Variants in NEGR1 observed in about 807,000 individuals in gnomAD.
NEGR1 encodes neuronal growth regulator 1.
A neutral mutation model predicts 40.9 loss-of-function variants in NEGR1; 10 were observed. That is an observed-to-expected ratio of 0.24 (90% CI 0.15 to 0.42). The LOEUF is 0.42. Ranked by LOEUF, NEGR1 falls within the 10% of genes least tolerant of loss-of-function variation. The pLI is 1.00. For missense variants in NEGR1, 352 were observed against 438.9 expected (o/e 0.80, Z 1.77); for synonymous variants, 185 against 166.8 (o/e 1.11, Z -0.84).
chr1:71,886,692 A>G (rs114807501), intron 2 of NEGR1, among the ~76,000 whole-genome samples: 2,359 of 152,258 alleles, frequency 0.015, 45 homozygotes, highest in South Asian at 0.1. Context: ...AAACGGAGAT[A>G]TATATCTTTA....
chr1:71,415,297 C>A (rs1366317433), intron 6 of NEGR1, among the ~76,000 whole-genome samples: 1 of 152,018 alleles, frequency 6.6e-6, no homozygotes, highest in Non-Finnish European at 1.5e-5. Context: ...CCATTCCTTT[C>A]TTGCTCTTTT....
chr1:72,121,514 G>A (rs561037239), intron 1 of NEGR1, among the ~76,000 whole-genome samples: 23 of 151,860 alleles, frequency 1.5e-4, no homozygotes, highest in Admixed American at 4.6e-4. Context: ...TAAATGTCTC[G>A]GGATTGTGAT....
intron 1 of NEGR1, among the ~76,000 whole-genome samples, chr1:72,169,159 G>A (rs1651874169): frequency 6.6e-6 from 1 of 152,080 alleles, no homozygotes; most frequent in South Asian, 2.1e-4. Flanking sequence ...CAAGGAGTCA[G>A]ATATCCATAC....
intron 1 of NEGR1, among the ~76,000 whole-genome samples, chr1:72,162,279 C>T (rs964543558): frequency 3.1e-5 from 1 of 32,266 alleles, no homozygotes; most frequent in Non-Finnish European, 6.5e-5. Context: ...CAGTGAAACC[C>T]TGCCTCTACT....
chr1:72,217,406 T>C (rs1484298712), intron 1 of NEGR1, among the ~76,000 whole-genome samples: 1 of 151,856 alleles, frequency 6.6e-6, no homozygotes, highest in African/African-American at 2.4e-5. Flanking sequence ...CCTTTTAATC[T>C]TGAGTGGCTT....
At chr1:71,560,895 G>A (rs1435675757) in intron 6 of NEGR1, among the ~76,000 whole-genome samples, 2 of 151,452 alleles carry the variant, frequency 1.3e-5, no homozygotes, top group Non-Finnish European at 3.0e-5. Flanking sequence ...AAAGCTTTAA[G>A]AAATAATGTA....
intron 1 of NEGR1, among the ~76,000 whole-genome samples, chr1:72,031,254 A>G (rs1646855949): frequency 6.6e-6 from 1 of 152,192 alleles, no homozygotes; most frequent in African/African-American, 2.4e-5. Context: ...GAATTGTTTC[A>G]TGAAATTCAG....
rs916789484 is a variant in NEGR1 at position 71,519,533 on chromosome 1, A to T, written c.940+73284T>A. Among the ~76,000 whole-genome samples the T allele has an allele frequency of 8.3e-5, 8 of 96,780 alleles. No individual in the cohort carries two copies. The East Asian group carries it at 2.2e-3, about 27-fold the overall frequency. 63.5% of individuals were successfully genotyped at this position (96,780 alleles called of 152,430 possible). A position where few individuals can be genotyped will look rare whatever the true frequency, so the allele number is the denominator to read the frequency against. ...TCATAGGTGGGAATTGAACAATGAG[A>T]TCACATGGACACAGGAAGGGGAATA... is the stretch of plus-strand genomic sequence containing the variant. On this transcript the variant is annotated intron_variant, in intron 6 of 6. Coordinates refer to ENST00000357731, the MANE Select transcript of NEGR1 (RefSeq NM_173808.3).
At chr1:71,759,287 C>CCTT (rs1655851907) in intron 3 of NEGR1, among the ~76,000 whole-genome samples, 1 of 85,220 alleles carries the variant, frequency 1.2e-5, no homozygotes, top group African/African-American at 4.8e-5. Context: ...AAGATTATAA[C>CCTT]TTTTTTTTTT....
At chr1:72,118,120 T>C (rs186629614) in intron 1 of NEGR1, among the ~76,000 whole-genome samples, 4 of 151,848 alleles carry the variant, frequency 2.6e-5, no homozygotes, top group African/African-American at 7.3e-5. Flanking sequence ...AAGATTTGTG[T>C]CCCACTATAA....
chr1:71,784,146 C>T (rs907696794), intron 2 of NEGR1, among the ~76,000 whole-genome samples: 2 of 152,060 alleles, frequency 1.3e-5, no homozygotes, highest in Non-Finnish European at 2.9e-5. Flanking sequence ...CCACACCCAG[C>T]TAATCATCAG....
At chr1:71,982,295 A>G (rs918241505) in intron 1 of NEGR1, among the ~76,000 whole-genome samples, 7 of 152,278 alleles carry the variant, frequency 4.6e-5, no homozygotes, top group South Asian at 4.1e-4. Context: ...TTTTCTTCTA[A>G]GTAACTTTCA....
chr1:72,281,049 T>G (rs555180616), intron 1 of NEGR1, among the ~76,000 whole-genome samples: 2 of 152,324 alleles, frequency 1.3e-5, no homozygotes, highest in East Asian at 3.9e-4. Context: ...AATAAAATAT[T>G]CCCAGACTCC....
chr1:71,962,924 T>G (rs903674841), intron 1 of NEGR1, among the ~76,000 whole-genome samples: 1 of 151,998 alleles, frequency 6.6e-6, no homozygotes, highest in East Asian at 1.9e-4. Flanking sequence ...AAAAATATCC[T>G]ACCTTTTGTC....
chr1:71,888,022 C>T (rs1660775828), intron 2 of NEGR1, among the ~76,000 whole-genome samples: 2 of 151,562 alleles, frequency 1.3e-5, no homozygotes, highest in African/African-American at 4.9e-5. Context: ...CACACACACA[C>T]ACACACACAC....
chr1:71,578,336 A>G (rs1228235279), intron 6 of NEGR1, among the ~76,000 whole-genome samples: 4 of 152,186 alleles, frequency 2.6e-5, no homozygotes, highest in Non-Finnish European at 5.9e-5. Context: ...TAGAGAACTT[A>G]ATTCTTCATT....
chr1:71,845,523 T>A (rs1659375850), intron 2 of NEGR1, among the ~76,000 whole-genome samples: 1 of 152,118 alleles, frequency 6.6e-6, no homozygotes, highest in Non-Finnish European at 1.5e-5. Context: ...CTAATGAAAC[T>A]AAGTACTTAG....
intron 6 of NEGR1, among the ~76,000 whole-genome samples, chr1:71,497,879 T>C (rs1321802084): frequency 6.6e-6 from 1 of 152,106 alleles, no homozygotes; most frequent in African/African-American, 2.4e-5. Flanking sequence ...AATGCGAAAC[T>C]ATATATCTTC....
At chr1:71,699,674 G>A (rs1653615966) in intron 3 of NEGR1, among the ~76,000 whole-genome samples, 1 of 151,898 alleles carries the variant, frequency 6.6e-6, no homozygotes, top group African/African-American at 2.4e-5. Flanking sequence ...ATCAGGTACT[G>A]ATGTGAAGAC....
Sources: gnomAD v4.1 joint callset for allele counts (sites outside exome capture counted in the v4.1 genomes callset) on GRCh38, gnomAD v4.1.1 for gene constraint, MANE v1.5 for transcripts, NCBI Gene and HGNC (gene_info 2026-07-23, HGNC 2026-07-21) for gene names.